The following PTN variants were observed in gnomAD, a reference collection of about 807,000 sequenced individuals.
PTN encodes the protein pleiotrophin.
PTN carries 18 observed loss-of-function variants against 24.1 expected under a neutral mutation model. The observed-to-expected ratio is 0.75, with a 90% confidence interval of 0.52 to 1.11. The LOEUF is 1.11. PTN is among the 50% of genes least tolerant of loss of function. The pLI is 0.00. For missense variants in PTN, 163 were observed against 198.8 expected, an observed-to-expected ratio of 0.82 and a Z score of 1.08; for synonymous variants, 78 against 68.6, an observed-to-expected ratio of 1.14 and a Z score of -0.67.
At chr7:137,296,760 C>T (rs1209587912) in intron 1 of PTN, among the ~76,000 whole-genome samples, 2 of 152,008 alleles carry the variant, frequency 1.3e-5, no homozygotes, top group Non-Finnish European at 2.9e-5. Context: ...ACCACTTAGC[C>T]CATAATTGCA....
chr7:137,304,346 G>C (rs191517231), intron 1 of PTN, among the ~76,000 whole-genome samples: 1 of 151,970 alleles, frequency 6.6e-6, no homozygotes, highest in East Asian at 1.9e-4. Flanking sequence ...CTCCCACCCT[G>C]CTGCTCTCTT....
intron 4 of PTN, among the ~76,000 whole-genome samples, chr7:137,244,864 G>A (rs1365470524): frequency 6.6e-6 from 1 of 152,082 alleles, no homozygotes; most frequent in Non-Finnish European, 1.5e-5. Flanking sequence ...TGAATTTTAA[G>A]GCAATTTTTA....
At chr7:137,314,756 A>C (rs1810042465) in intron 1 of PTN, among the ~76,000 whole-genome samples, 1 of 151,850 alleles carries the variant, frequency 6.6e-6, no homozygotes, top group South Asian at 2.1e-4. Context: ...CACCGCACTC[A>C]GCTAATTTTT....
intron 1 of PTN, among the ~76,000 whole-genome samples, chr7:137,257,658 A>G (rs899684906): frequency 6.6e-6 from 1 of 152,212 alleles, no homozygotes; most frequent in African/African-American, 2.4e-5. Flanking sequence ...AAAAGGGCAA[A>G]TTATTTTTTT....
chr7:137,262,961 G>A (rs1281984597), intron 1 of PTN, among the ~76,000 whole-genome samples: 1 of 152,036 alleles, frequency 6.6e-6, no homozygotes, highest in African/African-American at 2.4e-5. Context: ...CCTTTTCTGA[G>A]TATAAAACAA....
At chr7:137,338,648 T>A (rs972382217) in intron 1 of PTN, among the ~76,000 whole-genome samples, 8 of 152,204 alleles carry the variant, frequency 5.3e-5, no homozygotes, top group Non-Finnish European at 1.2e-4. Context: ...ATTGAGTAGA[T>A]CATTAGCTGC....
chr7:137,325,605 C>T (rs1810245853), intron 1 of PTN: 2 of 152,326 alleles, frequency 1.3e-5, no homozygotes, highest in South Asian at 4.1e-4. Context: ...TTGTTTTTCT[C>T]CACATATTTT....
At chr7:137,247,873 AC>A (rs951974316) in intron 4 of PTN, among the ~76,000 whole-genome samples, 1 of 152,214 alleles carries the variant, frequency 6.6e-6, no homozygotes, top group African/African-American at 2.4e-5. Context: ...GTTAGTTCAT[AC>A]CCCTTTGTGA....
chr7:137,308,113 C>A (rs191783271), intron 1 of PTN, among the ~76,000 whole-genome samples: 1 of 152,110 alleles, frequency 6.6e-6, no homozygotes, highest in African/African-American at 2.4e-5. Context: ...GATTTTCTTA[C>A]GGCGTGAATC....
chr7:137,298,734 A>T (rs572302691), intron 1 of PTN, among the ~76,000 whole-genome samples: 1 of 152,048 alleles, frequency 6.6e-6, no homozygotes, highest in Non-Finnish European at 1.5e-5. Flanking sequence ...TCTTGGCATC[A>T]CCTCTCAACA....
chr7:137,292,383 T>A, intron 1 of PTN, among the ~76,000 whole-genome samples: 1 of 152,140 alleles, frequency 6.6e-6, no homozygotes, highest in East Asian at 1.9e-4. Context: ...GGTAAGTGAA[T>A]CATGGGGAAG....
At position 137,301,462 on chromosome 7, in the gene PTN, G is replaced by C. The variant is rs1354812090; in HGVS notation, c.-2+41977C>G. On this transcript the variant is annotated intron_variant, in intron 1 of 4. Coordinates refer to ENST00000348225, the MANE Select transcript of PTN (RefSeq NM_002825.7). ...GTAAAGATTGGACTAGATGTTTTAA[G>C]AGAGAGGATTAATGAGCTATATTGG... Among the ~76,000 whole-genome samples, 3 of 151,932 alleles carry C rather than the reference G, an allele frequency of 2.0e-5. No homozygotes were observed. The East Asian group carries it at 5.8e-4, about 29-fold the overall frequency.
chr7:137,270,713 T>C (rs899279079), intron 1 of PTN, among the ~76,000 whole-genome samples: 1 of 152,132 alleles, frequency 6.6e-6, no homozygotes, highest in African/African-American at 2.4e-5. Flanking sequence ...TTATATTTAG[T>C]GGGCAAGCTG....
intron 1 of PTN, among the ~76,000 whole-genome samples, chr7:137,320,451 C>G (rs978573927): frequency 1.1e-4 from 17 of 152,114 alleles, no homozygotes; most frequent in African/African-American, 3.9e-4. Flanking sequence ...ACTGTGCTTT[C>G]CTCTTAGAAT....
At chr7:137,264,490 G>A (rs960190163) in intron 1 of PTN, among the ~76,000 whole-genome samples, 23 of 152,254 alleles carry the variant, frequency 1.5e-4, no homozygotes, top group African/African-American at 4.3e-4. Context: ...AGCGCTTGTC[G>A]TCTTCTTCAG....
At chr7:137,314,229 G>T (rs1249238557) in intron 1 of PTN, among the ~76,000 whole-genome samples, 3 of 152,202 alleles carry the variant, frequency 2.0e-5, no homozygotes, top group Non-Finnish European at 4.4e-5. Context: ...CCCAAGACAG[G>T]CTTTCCAGAA....
At chr7:137,280,569 T>C (rs186707108) in intron 1 of PTN, among the ~76,000 whole-genome samples, 24 of 150,940 alleles carry the variant, frequency 1.6e-4, no homozygotes, top group African/African-American at 5.8e-4. Context: ...CCATGCAAAC[T>C]GGGGCTGTGC....
intron 1 of PTN, among the ~76,000 whole-genome samples, chr7:137,337,763 A>C (rs2128883814): frequency 6.6e-6 from 1 of 152,282 alleles, no homozygotes; most frequent in South Asian, 2.1e-4. Context: ...GGAGGTTCAA[A>C]GTTGAGAATG....
chr7:137,334,871 T>C (rs1810419882), intron 1 of PTN, among the ~76,000 whole-genome samples: 1 of 151,646 alleles, frequency 6.6e-6, no homozygotes, highest in Admixed American at 6.6e-5. Flanking sequence ...CCATAAAAAA[T>C]GATGAGTTCA....
Sources: allele counts gnomAD v4.1 joint callset (sites outside exome capture counted in the v4.1 genomes callset), GRCh38; gene constraint gnomAD v4.1.1; transcripts MANE v1.5; gene names NCBI Gene and HGNC (gene_info 2026-07-23, HGNC 2026-07-21).